CNTNAP2: variants seen among roughly 807,000 people sequenced by gnomAD.
CNTNAP2 encodes contactin-associated protein-like 2.
A neutral mutation model predicts 155.2 loss-of-function variants in CNTNAP2; 98 were observed. The ratio of observed to expected loss-of-function variants is 0.63; its 90% CI spans 0.54 to 0.75. The LOEUF is 0.75. Ranked by LOEUF, CNTNAP2 falls within the 30% of genes least tolerant of loss-of-function variation. The probability of loss-of-function intolerance (pLI) is 0.00; values close to 1 mark genes in which losing one functional copy is unlikely to be tolerated. For missense variants in CNTNAP2, 1,727 were observed against 1,688.1 expected (o/e 1.02, Z -0.40); for synonymous variants, 651 against 631.2 (o/e 1.03, Z -0.47).
chr7:146,504,330 G>A (rs1797350184), intron 1 of CNTNAP2, among the ~76,000 whole-genome samples: 1 of 152,144 alleles, frequency 6.6e-6, no homozygotes, highest in Non-Finnish European at 1.5e-5. Context: ...CACCCACCAT[G>A]TCTATGGGGG....
chr7:147,750,132 C>T (rs1253928216), intron 13 of CNTNAP2, among the ~76,000 whole-genome samples: 1 of 152,202 alleles, frequency 6.6e-6, no homozygotes, highest in African/African-American at 2.4e-5. Flanking sequence ...AAATACCAGC[C>T]TTGTGCCCTT....
At chr7:148,076,040 T>C (rs1420704136) in intron 15 of CNTNAP2, among the ~76,000 whole-genome samples, 1 of 152,164 alleles carries the variant, frequency 6.6e-6, no homozygotes, top group Non-Finnish European at 1.5e-5. Flanking sequence ...ATGTGGGCAA[T>C]AAGAATGAAT....
intron 1 of CNTNAP2, among the ~76,000 whole-genome samples, chr7:146,531,262 A>G (rs1797765040): frequency 6.6e-6 from 1 of 152,136 alleles, no homozygotes; most frequent in East Asian, 1.9e-4. Context: ...AAAACTACCT[A>G]TTTAGGACTA....
At chr7:146,863,379 GAA>G (rs1795142908) in intron 3 of CNTNAP2, among the ~76,000 whole-genome samples, 1 of 152,086 alleles carries the variant, frequency 6.6e-6, no homozygotes. Context: ...CAATTGAGAT[GAA>G]GAGTTATCAA....
intron 3 of CNTNAP2, among the ~76,000 whole-genome samples, chr7:147,032,751 A>C (rs569352581): frequency 6.6e-6 from 1 of 152,238 alleles, no homozygotes; most frequent in East Asian, 1.9e-4. Flanking sequence ...AGTTGGAGAG[A>C]AGGAAGAAGA....
intron 11 of CNTNAP2, among the ~76,000 whole-genome samples, chr7:147,526,620 A>G (rs1258802659): frequency 2.0e-5 from 3 of 152,226 alleles, no homozygotes; most frequent in Non-Finnish European, 2.9e-5. Context: ...TGCCTCGACC[A>G]TAAGTAAGAG....
At chr7:147,029,217 C>T (rs540095248) in intron 3 of CNTNAP2, among the ~76,000 whole-genome samples, 118 of 152,204 alleles carry the variant, frequency 7.8e-4, no homozygotes, top group African/African-American at 2.7e-3. Flanking sequence ...CCCGCCTCGG[C>T]CTCCCAAAGT....
At chr7:147,986,727 C>G (rs1361545947) in intron 15 of CNTNAP2, among the ~76,000 whole-genome samples, 1 of 152,130 alleles carries the variant, frequency 6.6e-6, no homozygotes, top group Non-Finnish European at 1.5e-5. Flanking sequence ...CTCTGCCTAT[C>G]AACAGCTGAG....
chr7:146,840,352 T>C lies in CNTNAP2; in HGVS notation c.402+448T>C, dbSNP rs964651341. The stretch of plus-strand genomic sequence containing the variant: ...TTTATAATAGTGTCTTAAACACTTA[T>C]TACAGATCTATGTTCACTTTATTCC... On this transcript the variant is annotated intron_variant, in intron 3 of 23. Transcript: ENST00000361727. 3.9e-5 allele frequency among the ~76,000 whole-genome samples: 6 copies of C among 152,214 alleles called. No homozygotes were observed. In the South Asian group the frequency reaches 1.0e-3, roughly 26 times the overall value.
At chr7:146,170,018 C>CT (rs71175637) in intron 1 of CNTNAP2, among the ~76,000 whole-genome samples, 11,547 of 126,906 alleles carry the variant, frequency 0.091, 677 homozygotes, top group African/African-American at 0.13. Flanking sequence ...CCTTTCTTTT[C>CT]TTTTTTTTTT....
At chr7:148,117,181 G>A (rs572458424) in intron 15 of CNTNAP2, among the ~76,000 whole-genome samples, 1 of 152,336 alleles carries the variant, frequency 6.6e-6, no homozygotes, top group East Asian at 1.9e-4. Flanking sequence ...GTCAGGCAAT[G>A]AGTGGGGAGA....
At chr7:148,308,109 T>C (rs534691706) in intron 21 of CNTNAP2, among the ~76,000 whole-genome samples, 1 of 152,322 alleles carries the variant, frequency 6.6e-6, no homozygotes, top group South Asian at 2.1e-4. Context: ...TTTTTTCAAA[T>C]AGTGAGGTCC....
At chr7:147,010,159 G>A (rs952101784) in intron 3 of CNTNAP2, among the ~76,000 whole-genome samples, 6 of 151,768 alleles carry the variant, frequency 4.0e-5, no homozygotes, top group South Asian at 2.1e-4. Context: ...ACAGGCATGC[G>A]CAACCACGCC....
chr7:147,125,402 C>T (rs1277873061), intron 6 of CNTNAP2, among the ~76,000 whole-genome samples: 1 of 152,168 alleles, frequency 6.6e-6, no homozygotes, highest in Non-Finnish European at 1.5e-5. Context: ...GGGCCAATCA[C>T]CACCTGCAAT....
chr7:146,975,103 A>G (rs1797883017), intron 3 of CNTNAP2, among the ~76,000 whole-genome samples: 2 of 152,204 alleles, frequency 1.3e-5, no homozygotes, highest in African/African-American at 2.4e-5. Context: ...AGAAGTACAT[A>G]TTTTGGGTGA....
intron 3 of CNTNAP2, among the ~76,000 whole-genome samples, chr7:146,855,499 G>A (rs1188713494): frequency 6.6e-6 from 1 of 152,002 alleles, no homozygotes; most frequent in Non-Finnish European, 1.5e-5. Flanking sequence ...CAGCAGCTGT[G>A]AAGAAAACCG....
intron 1 of CNTNAP2, among the ~76,000 whole-genome samples, chr7:146,550,416 T>TGTTG (rs1204690888): frequency 1.4e-4 from 12 of 87,030 alleles, no homozygotes; most frequent in Non-Finnish European, 3.1e-4. Context: ...TTTTTTTTTT[T>TGTTG]TTTTTTTTTT....
chr7:147,992,461 T>C (rs1349049250), intron 15 of CNTNAP2, among the ~76,000 whole-genome samples: 1 of 152,148 alleles, frequency 6.6e-6, no homozygotes, highest in Non-Finnish European at 1.5e-5. Flanking sequence ...GCCATGTGTA[T>C]GTACATAGGA....
At chr7:146,170,478 G>C (rs1798374055) in intron 1 of CNTNAP2, among the ~76,000 whole-genome samples, 2 of 151,114 alleles carry the variant, frequency 1.3e-5, no homozygotes, top group Admixed American at 6.6e-5. Context: ...ATAAATACTT[G>C]TTGTATTAAA....
Sources: gnomAD v4.1 joint callset for allele counts (sites outside exome capture counted in the v4.1 genomes callset) on GRCh38, gnomAD v4.1.1 for gene constraint, MANE v1.5 for transcripts, NCBI Gene and HGNC (gene_info 2026-07-23, HGNC 2026-07-21) for gene names.